The following ANAPC1 variants were observed in gnomAD, a reference collection of about 807,000 sequenced individuals.
The protein encoded by ANAPC1 is anaphase promoting complex subunit 1.
Under a neutral mutation model 208.0 loss-of-function variants are expected in ANAPC1, and 36 were observed. The observed-to-expected ratio is 0.17, with a 90% CI of 0.13 to 0.23. The LOEUF is 0.23. Among genes scored for constraint, ANAPC1 ranks in the 10% least tolerant of loss-of-function variants. ANAPC1 has a pLI of 1.00. For synonymous variants in ANAPC1, 378 were observed against 695.2 expected (o/e 0.54, Z 7.18); for missense variants, 942 against 2,011.6 (o/e 0.47, Z 10.17).
intron 34 of ANAPC1, among the ~76,000 whole-genome samples, chr2:111,798,414 C>G (rs1054974326): frequency 6.6e-6 from 1 of 152,110 alleles, no homozygotes; most frequent in Non-Finnish European, 1.5e-5. Flanking sequence ...CATGTCAGGT[C>G]CCAATTAAAA....
At position 111,873,365 on chromosome 2, in the gene ANAPC1, T is replaced by C. The variant is rs1364803799; in HGVS notation, c.471A>G (p.Ser157=). 4.3e-6 allele frequency: 7 copies of C among 1,609,398 alleles called. No homozygotes were observed. The highest frequency in any genetic ancestry group is 1.3e-5 in the African/African-American group (1 of 74,692). Residue 157 remains serine, a synonymous_variant, in exon 5 of 48, where the codon TCA becomes TCG. Coordinates refer to ENST00000341068, the MANE Select transcript of ANAPC1 (RefSeq NM_022662.4). ...CTTCTATGCTATGCATGTTAATACA[T>C]GAGCTTTGCAATATACATATGCATT... ...VEKCICILQS[S]CINMHSIEGK...
In ANAPC1 at chr2:111,800,371, G is replaced by A. The variant is rs1489489328; in HGVS notation, c.4296+426C>T. On this transcript the variant is annotated intron_variant, in intron 34 of 47. Transcript: ENST00000341068. ...AAAAAAATCTGTTCATTTTTAACTA[G>A]TATACTTGGCTTATCGAATAAATAT... Among the ~76,000 whole-genome samples the A allele has an allele frequency of 6.7e-5, 9 of 134,220 alleles. 1 individual carries two copies. The highest frequency in any genetic ancestry group is 1.5e-4 in the Non-Finnish European group (9 of 61,930). 88.1% of individuals were successfully genotyped at this position (134,220 alleles called of 152,430 possible).
intron 16 of ANAPC1, among the ~76,000 whole-genome samples, chr2:111,844,241 C>T (rs527700093): frequency 3.9e-5 from 6 of 152,250 alleles, no homozygotes; most frequent in Non-Finnish European, 8.8e-5. Context: ...CTCGCCTTCA[C>T]TCTTAAAGAT....
At chr2:111,858,964 A>T (rs1021029859) in intron 10 of ANAPC1, among the ~76,000 whole-genome samples, 1 of 152,164 alleles carries the variant, frequency 6.6e-6, no homozygotes, top group African/African-American at 2.4e-5. Context: ...ACAATTACTG[A>T]TGAACTTTTA....
chr2:111,770,201 T>TTATATATATATATATATATATA (rs3055943), intron 47 of ANAPC1, among the ~76,000 whole-genome samples: 1 of 81,588 alleles, frequency 1.2e-5, no homozygotes, highest in African/African-American at 5.4e-5. Context: ...TTGTTTAATT[T>TTATATATATATATATATATATA]TATATATATA....
intron 29 of ANAPC1, among the ~76,000 whole-genome samples, chr2:111,806,809 G>A (rs866465084): frequency 2.0e-5 from 3 of 152,048 alleles, no homozygotes; most frequent in Middle Eastern, 3.4e-3. Context: ...TGTTGAAAAC[G>A]ATAAAATGTA....
intron 21 of ANAPC1, among the ~76,000 whole-genome samples, chr2:111,828,983 G>A (rs1055777545): frequency 2.0e-5 from 3 of 152,184 alleles, no homozygotes; most frequent in African/African-American, 7.2e-5. Context: ...GGGAGGCCAA[G>A]GTGGGCAGAT....
At chr2:111,881,419 A>G (rs908360570) in intron 1 of ANAPC1, among the ~76,000 whole-genome samples, 5 of 152,218 alleles carry the variant, frequency 3.3e-5, no homozygotes, top group East Asian at 1.9e-4. Flanking sequence ...ACCTAAATAT[A>G]TAACTACAAT....
chr2:111,826,420 C>A (rs1245014825), intron 21 of ANAPC1, among the ~76,000 whole-genome samples: 1 of 152,196 alleles, frequency 6.6e-6, no homozygotes, highest in Non-Finnish European at 1.5e-5. Context: ...ACAGTTTTGT[C>A]TATCCTACAA....
At chr2:111,795,002 A>T in intron 34 of ANAPC1, 108 bp from the exon 35 acceptor site, 1 of 1,298,594 alleles carries the variant, frequency 7.7e-7, no homozygotes, top group Non-Finnish European at 1.1e-6. Context: ...TATATAAAGT[A>T]AGCTTTACCA....
In ANAPC1 at chr2:111,778,748, A is replaced by C; in HGVS notation, c.5312T>G (p.Phe1771Cys). ...AACACATTCATAGAGTACTGAAGAA[A>C]AGAGATCCAGAATTTCCTGTTTCTG... The part of the protein sequence containing the change: ...MGQKQEILDL[F>C]SSVLYECVTQ... The change falls in exon 45 of 48, where the codon TTT (phenylalanine) becomes TGT (cysteine). Residue 1771 changes from phenylalanine to cysteine, a missense_variant. Coordinates refer to ENST00000341068, the MANE Select transcript of ANAPC1 (RefSeq NM_022662.4). The C allele has an allele frequency of 6.2e-7, 1 of 1,606,418 alleles. No homozygotes were observed. Among genetic ancestry groups the C allele is most frequent in the Non-Finnish European group, 8.5e-7 (1 of 1,177,770 alleles).
In ANAPC1 at chr2:111,863,141, T is replaced by G. The variant is rs139915952; in HGVS notation, c.1052+534A>C. On this transcript the variant is annotated intron_variant, in intron 9 of 47. Transcript: ENST00000341068. The stretch of plus-strand genomic sequence containing the variant: ...AGTGGTAGAAATGAGGCAACTAACC[T>G]TAGGTCAAGCATAGGCAGCTTCAAA... Among the ~76,000 whole-genome samples, 1,426 of 152,132 alleles carry G rather than the reference T, an allele frequency of 9.4e-3. 25 individuals carry two copies. The highest frequency in any genetic ancestry group is 0.033 in the African/African-American group (1,364 of 41,498).
intron 24 of ANAPC1, among the ~76,000 whole-genome samples, chr2:111,823,534 G>A (rs965817267): frequency 2.6e-5 from 4 of 151,998 alleles, no homozygotes; most frequent in Admixed American, 2.6e-4. Context: ...GGGTGAGTCC[G>A]ATTGTCTATC....
intron 6 of ANAPC1, among the ~76,000 whole-genome samples, chr2:111,868,901 A>C (rs1682583484): frequency 6.6e-6 from 1 of 152,170 alleles, no homozygotes; most frequent in African/African-American, 2.4e-5. Context: ...AAGCATAAAG[A>C]GATGAAAATC....
At chr2:111,835,816 T>G (rs1033718526) in intron 18 of ANAPC1, among the ~76,000 whole-genome samples, 1 of 152,060 alleles carries the variant, frequency 6.6e-6, no homozygotes, top group Non-Finnish European at 1.5e-5. Flanking sequence ...CACTCCAGCC[T>G]GGGCAACAGA....
In ANAPC1 at chr2:111,834,717, A is replaced by C; in HGVS notation, c.2271T>G (p.Thr757=). The C allele has an allele frequency of 6.2e-7, 1 of 1,613,638 alleles. No individual in the cohort carries two copies. Among genetic ancestry groups the C allele is most frequent in the Non-Finnish European group, 8.5e-7 (1 of 1,179,794 alleles). The change falls in exon 19 of 48, where the codon ACT becomes ACG. Residue 757 remains threonine, a synonymous_variant. Transcript: ENST00000341068. ...GAACGAAAAAAATTGCAGGTATGTGAGTAAAGAGAAGTGTAGAAGAATCCA... is the reference window on the plus strand; with the variant it reads ...GAACGAAAAAAATTGCAGGTATGTGCGTAAAGAGAAGTGTAGAAGAATCCA... ...LSLDSSTLLF[T]HIPAIFFVLH...
intron 17 of ANAPC1, among the ~76,000 whole-genome samples, chr2:111,843,061 T>C (rs1245647491): frequency 6.6e-6 from 1 of 152,196 alleles, no homozygotes. Flanking sequence ...CTAGTCATAG[T>C]TGTTAAAAAA....
At chr2:111,847,687 G>T in intron 15 of ANAPC1, 38 bp downstream of exon 15, 1 of 1,349,040 alleles carries the variant, frequency 7.4e-7, no homozygotes, top group Non-Finnish European at 9.8e-7. Flanking sequence ...TGAAATGCCA[G>T]CCCACTTCTT....
chr2:111,824,385 G>A (rs1327620120), intron 24 of ANAPC1, among the ~76,000 whole-genome samples: 2 of 151,648 alleles, frequency 1.3e-5, no homozygotes, highest in African/African-American at 4.9e-5. Context: ...TCATGTCTTC[G>A]TGGCAGTAAT....
Sources: allele counts gnomAD v4.1 joint callset (sites outside exome capture counted in the v4.1 genomes callset), GRCh38; gene constraint gnomAD v4.1.1; transcripts MANE v1.5; gene names NCBI Gene and HGNC (gene_info 2026-07-23, HGNC 2026-07-21).